Variants in ITFG1 observed in about 807,000 individuals in gnomAD.
ITFG1 encodes integrin alpha FG-GAP repeat containing 1, also known as T-cell immunomodulatory protein.
In ITFG1, 34 loss-of-function variants were observed where a neutral mutation model predicts 81.8. The ratio of observed to expected loss-of-function variants is 0.42; its 90% CI spans 0.32 to 0.55. The LOEUF (loss-of-function observed/expected upper bound fraction) is 0.55, where lower values mean the gene tolerates loss of function less well. Among genes scored for constraint, ITFG1 ranks in the 20% least tolerant of loss-of-function variants. The pLI, the probability that ITFG1 is intolerant of heterozygous loss-of-function variation, is 0.17. For synonymous variants in ITFG1, 285 were observed against 270.6 expected, an observed-to-expected ratio of 1.05 and a Z score of -0.52; for missense variants, 672 against 755.4, an observed-to-expected ratio of 0.89 and a Z score of 1.29.
At chr16:47,437,826 C>A (rs2151612909) in intron 5 of ITFG1, among the ~76,000 whole-genome samples, 1 of 152,346 alleles carries the variant, frequency 6.6e-6, no homozygotes, top group Admixed American at 6.5e-5. Context: ...GTACATCTCA[C>A]TGGGGAATGC....
chr16:47,419,310 T>G (rs1968912124), intron 6 of ITFG1, among the ~76,000 whole-genome samples: 1 of 151,870 alleles, frequency 6.6e-6, no homozygotes, highest in Non-Finnish European at 1.5e-5. Context: ...ACTCTGTCAC[T>G]CAGGCTAAAG....
intron 6 of ITFG1, among the ~76,000 whole-genome samples, chr16:47,394,958 C>T (rs956003973): frequency 9.9e-5 from 15 of 152,070 alleles, no homozygotes; most frequent in Admixed American, 3.9e-4. Context: ...CTAAATAATA[C>T]TTTTTAGATA....
Position 47,181,189 on chromosome 16 carries a change from C to T in ITFG1, c.1454-18525G>A, listed in dbSNP as rs550898957. Among the ~76,000 whole-genome samples the T allele has an allele frequency of 5.9e-3, 893 of 150,904 alleles. 10 individuals are homozygous for T. Among genetic ancestry groups the T allele is most frequent in the African/African-American group, 0.02 (823 of 41,064 alleles). On this transcript the variant is annotated intron_variant, in intron 14 of 17. Coordinates refer to ENST00000320640, the MANE Select transcript of ITFG1 (RefSeq NM_030790.5). ...TGTGAGGAGCGCCTCTGCCCGGCCG[C>T]CCCATCTGAGAAGTGAGGAGACCCT... is the stretch of plus-strand genomic sequence containing the variant.
intron 6 of ITFG1, among the ~76,000 whole-genome samples, chr16:47,417,353 GA>G (rs1299577535): frequency 6.6e-6 from 1 of 152,088 alleles, no homozygotes; most frequent in African/African-American, 2.4e-5. Flanking sequence ...ATCAAACTAG[GA>G]TATTTAGGAC....
At chr16:47,454,523 A>G (rs1403643008) in intron 2 of ITFG1, among the ~76,000 whole-genome samples, 4 of 152,202 alleles carry the variant, frequency 2.6e-5, no homozygotes, top group Admixed American at 6.5e-5. Flanking sequence ...CCAAAGCAGT[A>G]AGCATTATCA....
At chr16:47,316,099 A>AAAATTTT in intron 8 of ITFG1, among the ~76,000 whole-genome samples, 1 of 152,132 alleles carries the variant, frequency 6.6e-6, no homozygotes, top group East Asian at 1.9e-4. Flanking sequence ...CCTTATTTTT[A>AAAATTTT]AAAAATATTT....
intron 10 of ITFG1, among the ~76,000 whole-genome samples, chr16:47,282,249 T>G (rs1966458531): frequency 6.6e-6 from 1 of 152,014 alleles, no homozygotes; most frequent in African/African-American, 2.4e-5. Context: ...TTCTCATCCC[T>G]TACACCCCCT....
At chr16:47,240,253 G>A (rs1376541170) in intron 12 of ITFG1, among the ~76,000 whole-genome samples, 1 of 141,898 alleles carries the variant, frequency 7.0e-6, no homozygotes. Flanking sequence ...CTGAGATCAC[G>A]CTACTGCACT....
chr16:47,438,763 TAA>T (rs1969204456), intron 5 of ITFG1, among the ~76,000 whole-genome samples: 1 of 152,028 alleles, frequency 6.6e-6, no homozygotes, highest in African/African-American at 2.4e-5. Flanking sequence ...CTAGAAACTC[TAA>T]AAATCAGAGC....
intron 14 of ITFG1, among the ~76,000 whole-genome samples, chr16:47,205,498 C>G (rs1259373204): frequency 1.3e-5 from 2 of 152,194 alleles, no homozygotes; most frequent in African/African-American, 2.4e-5. Context: ...GGGGTAAAAA[C>G]TCCTCATTTC....
chr16:47,181,540 T>C (rs146846535), intron 14 of ITFG1, among the ~76,000 whole-genome samples: 11,301 of 115,604 alleles, frequency 0.098, 1,599 homozygotes, highest in African/African-American at 0.3. Flanking sequence ...CCTCCCCGTC[T>C]GGCAGGGAGG....
intron 12 of ITFG1, among the ~76,000 whole-genome samples, chr16:47,255,312 T>C (rs1412848053): frequency 6.6e-6 from 1 of 152,228 alleles, no homozygotes; most frequent in Non-Finnish European, 1.5e-5. Context: ...TCACTCATCA[T>C]GTGTTACTCT....
intron 10 of ITFG1, among the ~76,000 whole-genome samples, chr16:47,309,969 T>TA (rs1345583874): frequency 1.3e-5 from 2 of 152,250 alleles, no homozygotes; most frequent in East Asian, 3.8e-4. Context: ...TCTTTGTTTT[T>TA]ATGTGCCACT....
chr16:47,252,959 T>C (rs1446760492), intron 12 of ITFG1, among the ~76,000 whole-genome samples: 1 of 152,184 alleles, frequency 6.6e-6, no homozygotes, highest in Non-Finnish European at 1.5e-5. Context: ...TGGGATCTCA[T>C]TTCCTGTGAC....
At chr16:47,456,839 A>C (rs1286584327) in intron 2 of ITFG1, among the ~76,000 whole-genome samples, 1 of 152,202 alleles carries the variant, frequency 6.6e-6, no homozygotes, top group Non-Finnish European at 1.5e-5. Flanking sequence ...AATTCCCCAC[A>C]TAGTAAGTCT....
At chr16:47,208,813 T>C (rs150096131) in intron 14 of ITFG1, among the ~76,000 whole-genome samples, 1 of 152,330 alleles carries the variant, frequency 6.6e-6, no homozygotes, top group African/African-American at 2.4e-5. Context: ...ATCAGTGTTA[T>C]CACATTTGTA....
At chr16:47,222,776 T>C (rs993791025) in intron 13 of ITFG1, among the ~76,000 whole-genome samples, 1 of 152,240 alleles carries the variant, frequency 6.6e-6, no homozygotes, top group Non-Finnish European at 1.5e-5. Context: ...GATAAGTTTG[T>C]TATAATTTCT....
chr16:47,173,993 T>C (rs1964992223), intron 14 of ITFG1, among the ~76,000 whole-genome samples: 1 of 152,156 alleles, frequency 6.6e-6, no homozygotes, highest in African/African-American at 2.4e-5. Flanking sequence ...TGAGCTGAGA[T>C]TGTGCCACTG....
At chr16:47,373,155 A>C (rs1380724716) in intron 7 of ITFG1, among the ~76,000 whole-genome samples, 1 of 152,218 alleles carries the variant, frequency 6.6e-6, no homozygotes, top group Non-Finnish European at 1.5e-5. Context: ...GGCCTAAATC[A>C]GCCACTTTAT....
Sources: gnomAD v4.1 joint callset for allele counts (sites outside exome capture counted in the v4.1 genomes callset) on GRCh38, gnomAD v4.1.1 for gene constraint, MANE v1.5 for transcripts, NCBI Gene and HGNC (gene_info 2026-07-23, HGNC 2026-07-21) for gene names.